The following RNF44 variants were observed in gnomAD, a reference collection of about 807,000 sequenced individuals.
RNF44 encodes the protein ring finger protein 44.
Under a neutral mutation model 53.6 loss-of-function variants are expected in RNF44, and 25 were observed. The ratio of observed to expected loss-of-function variants is 0.47; its 90% confidence interval spans 0.34 to 0.65. The LOEUF is 0.65. Among genes scored for constraint, RNF44 ranks in the 30% least tolerant of loss-of-function variants. The pLI is 0.01. For missense variants in RNF44, 581 were observed against 595.5 expected (o/e 0.98, Z 0.25); for synonymous variants, 282 against 252.2 (o/e 1.12, Z -1.12).
chr5:176,530,476 C>A, intron 6 of RNF44, 106 bp downstream of exon 6: 1 of 1,230,434 alleles, frequency 8.1e-7, no homozygotes, highest in Non-Finnish European at 1.1e-6. Flanking sequence ...CAAGTCAGCC[C>A]GGTGGGCCTG....
In RNF44 at chr5:176,528,167, AG is replaced by A. The variant is rs970332870; in HGVS notation, c.*860del. 2.6e-5 allele frequency: 4 copies of A among 152,400 alleles called. No homozygotes were observed. Among genetic ancestry groups the A allele is most frequent in the Admixed American group, 6.5e-5 (1 of 15,276 alleles). The allele number at this position is 152,400 out of a possible 1,614,324, so 9.4% of individuals were successfully genotyped here. The stretch of plus-strand genomic sequence containing the variant: ...CTATACCCGCCCCTATTAAACCAAA[AG>A]AAAAAAGAAATTGTCTTAAATATCC... On this transcript the variant is annotated 3_prime_UTR_variant, in exon 11 of 11. Coordinates refer to ENST00000274811, the MANE Select transcript of RNF44 (RefSeq NM_014901.5).
rs1221970678 is a variant in RNF44, at chr5:176,528,881, G to A, written c.*147C>T. Reference sequence around the variant, plus strand: ...CAGGGGCTTATTGCAGGGACTCCTCGCTGGGCTGACCCTGGCACCAGCTCT... The same window carrying A: ...CAGGGGCTTATTGCAGGGACTCCTCACTGGGCTGACCCTGGCACCAGCTCT... On this transcript the variant is annotated 3_prime_UTR_variant, in exon 11 of 11. Transcript: ENST00000274811. 5.5e-6 allele frequency: 4 copies of A among 729,306 alleles called. No homozygotes were observed. Among genetic ancestry groups the A allele is most frequent in the Non-Finnish European group, 8.9e-6 (4 of 450,536 alleles). 45.2% of individuals were successfully genotyped at this position (729,306 alleles called of 1,614,324 possible). A position where few individuals can be genotyped will look rare whatever the true frequency, so the allele number is the denominator to read the frequency against.
Position 176,529,861 on chromosome 5 carries a change from G to T in RNF44, c.927-43C>A, listed in dbSNP as rs373272107. ...TGGGGGCCCAGGGTCAAGGTCAGGAGTGGGGCACACAGAGCCGCTCTCCTG... is the reference window on the plus strand; with the variant it reads ...TGGGGGCCCAGGGTCAAGGTCAGGATTGGGGCACACAGAGCCGCTCTCCTG... On this transcript the variant is annotated intron_variant, in intron 7 of 10. Transcript: ENST00000274811. The T allele has an allele frequency of 4.9e-4, 750 of 1,528,034 alleles. No individual in the cohort carries two copies. The African/African-American group carries it at 7.7e-3, about 16-fold the overall frequency. 94.7% of individuals were successfully genotyped at this position (1,528,034 alleles called of 1,614,324 possible).
chr5:176,526,815 T>G lies in RNF44; in HGVS notation c.*2213A>C, dbSNP rs1388955407. 1 of 152,502 alleles carries G rather than the reference T, an allele frequency of 6.6e-6. No homozygotes were observed. Among genetic ancestry groups the G allele is most frequent in the Non-Finnish European group, 1.5e-5 (1 of 68,036 alleles). 9.4% of individuals were successfully genotyped at this position (152,502 alleles called of 1,614,324 possible). A position where few individuals can be genotyped will look rare whatever the true frequency, so the allele number is the denominator to read the frequency against. Reference sequence around the variant, plus strand: ...CTTGGTCAAGCAGAACTAGCAACTTTCATTTTAAAAAAAGTACAAATCTGT... The same window carrying G: ...CTTGGTCAAGCAGAACTAGCAACTTGCATTTTAAAAAAAGTACAAATCTGT... On this transcript the variant is annotated 3_prime_UTR_variant, in exon 11 of 11. Coordinates refer to ENST00000274811, the MANE Select transcript of RNF44 (RefSeq NM_014901.5).
chr5:176,530,129 TGGGGGC>T lies in RNF44; in HGVS notation c.873_878del (p.Pro298_Pro299del), dbSNP rs761540069. On this transcript the variant is annotated inframe_deletion, in exon 7 of 11. Transcript: ENST00000274811. ...GGTAGTAGGGTGGTGGGGGTGGGGG[TGGGGGC>T]GGCGGGGGCAGTGGCTGCTGCAGGC... 6.2e-5 allele frequency: 5 copies of T among 81,224 alleles called. No homozygotes were observed. The African/African-American group carries it at 1.4e-3, about 23-fold the overall frequency. 5.0% of individuals were successfully genotyped at this position (81,224 alleles called of 1,614,324 possible).
chr5:176,531,080 C>T lies in RNF44; in HGVS notation c.466-59G>A, dbSNP rs541825161. ...TCTCCTGGGCTCTGGGCCAGGTCTA[C>T]GCCATGCCACCCAGCAAAAGGCCCC... On this transcript the variant is annotated intron_variant, in intron 4 of 10. Transcript: ENST00000274811. The surrounding 1 kb of genome is among the most constrained non-coding windows in gnomAD (Gnocchi z 4.2). The T allele has an allele frequency of 7.8e-6, 10 of 1,277,114 alleles. No individual in the cohort carries two copies. The highest frequency in any genetic ancestry group is 3.1e-5 in the Admixed American group (1 of 32,122). 79.1% of individuals were successfully genotyped at this position (1,277,114 alleles called of 1,614,324 possible).
Position 176,530,689 on chromosome 5 carries a change from C to T in RNF44, c.694G>A (p.Gly232Ser). 2 of 1,548,346 alleles carry T rather than the reference C, an allele frequency of 1.3e-6. No individual in the cohort carries two copies. Among genetic ancestry groups the T allele is most frequent in the Middle Eastern group, 1.7e-4 (1 of 5,766 alleles). Reference protein sequence around the residue: ...VDLRGDQPSLGSFTYSTSAPG... With the variant: ...VDLRGDQPSLSSFTYSTSAPG... Reference sequence around the variant, plus strand: ...GCAGAGGTGGAGTAGGTGAAGCTGCCCAGGGAGGGCTGGTCCCCACGCAGG... The same window carrying T: ...GCAGAGGTGGAGTAGGTGAAGCTGCTCAGGGAGGGCTGGTCCCCACGCAGG... Residue 232 changes from glycine to serine, a missense_variant, in exon 6 of 11, where the codon GGC (glycine) becomes AGC (serine). Gly to Ser is a moderately conservative substitution (Grantham distance 56). Around this residue, in one of 3 missense-constraint regions of RNF44, gnomAD observed 387 missense variants for 366.0 expected, o/e 1.06. Coordinates refer to ENST00000274811, the MANE Select transcript of RNF44 (RefSeq NM_014901.5).
chr5:176,532,272 T>C, intron 2 of RNF44, 79 bp from the exon 3 acceptor site: 1 of 1,508,134 alleles, frequency 6.6e-7, no homozygotes, highest in Non-Finnish European at 8.9e-7. Context: ...CCAGGGTGAC[T>C]CCCCCCATGG....
chr5:176,534,841 G>C (rs1757014512), intron 1 of RNF44, among the ~76,000 whole-genome samples: 1 of 152,234 alleles, frequency 6.6e-6, no homozygotes, highest in Non-Finnish European at 1.5e-5. Flanking sequence ...GAGTGCGCAG[G>C]TGCATGACCT....
rs963183316 is a variant in RNF44, at chr5:176,528,949, C to G, written c.*79G>C. Reference sequence around the variant, plus strand: ...CGAAGGGGCAGGCCTGGGCCACTCCCTCCCCATCCTCCCTGGGCCCCACCC... The same window carrying G: ...CGAAGGGGCAGGCCTGGGCCACTCCGTCCCCATCCTCCCTGGGCCCCACCC... On this transcript the variant is annotated 3_prime_UTR_variant, in exon 11 of 11. Coordinates refer to ENST00000274811, the MANE Select transcript of RNF44 (RefSeq NM_014901.5). 3.7e-5 allele frequency: 53 copies of G among 1,415,068 alleles called. No homozygotes were observed. Among genetic ancestry groups the G allele is most frequent in the Non-Finnish European group, 4.5e-5 (46 of 1,021,686 alleles). 87.7% of individuals were successfully genotyped at this position (1,415,068 alleles called of 1,614,324 possible). A position where few individuals can be genotyped will look rare whatever the true frequency, so the allele number is the denominator to read the frequency against.
intron 7 of RNF44, 130 bp from the exon 8 acceptor site, chr5:176,529,948 C>T: frequency 7.2e-7 from 1 of 1,388,752 alleles, no homozygotes; most frequent in Non-Finnish European, 9.7e-7. Context: ...AGCTGGCGTG[C>T]CTGTCAGGTT....
At chr5:176,540,653 G>A (rs992236024), upstream of RNF44, among the ~76,000 whole-genome samples, 1 of 152,234 alleles carries the variant, frequency 6.6e-6, no homozygotes, top group Non-Finnish European at 1.5e-5. Context: ...CCTGGCTCAC[G>A]CTGGGTGGCG....
Position 176,528,803 on chromosome 5 carries a change from G to A in RNF44, c.*225C>T. On this transcript the variant is annotated 3_prime_UTR_variant, in exon 11 of 11. Coordinates refer to ENST00000274811, the MANE Select transcript of RNF44 (RefSeq NM_014901.5). ...TCAGGGACACTCAGGCAGCTCCGTG[G>A]CGGGCGGGCAGGCAGGCAGACTAGG... The A allele has an allele frequency of 1.7e-6, 1 of 585,918 alleles. No individual in the cohort carries two copies. The highest frequency in any genetic ancestry group is 3.1e-5 in the Admixed American group (1 of 32,300). 36.3% of individuals were successfully genotyped at this position (585,918 alleles called of 1,614,324 possible). A position where few individuals can be genotyped will look rare whatever the true frequency, so the allele number is the denominator to read the frequency against.
At chr5:176,529,923 C>T (rs971293694) in intron 7 of RNF44, 105 bp from the exon 8 acceptor site, 117 of 1,394,128 alleles carry the variant, frequency 8.4e-5, no homozygotes, top group Non-Finnish European at 1.1e-4. Flanking sequence ...AACGTTGCAG[C>T]GGGGAAGGGA....
At chr5:176,536,742 G>A (rs1451593841) in intron 1 of RNF44, among the ~76,000 whole-genome samples, 198 bp downstream of exon 1, 2 of 151,684 alleles carry the variant, frequency 1.3e-5, no homozygotes, top group African/African-American at 2.4e-5. Flanking sequence ...CTCAGCTGCA[G>A]GAGAGGGGAG....
upstream of RNF44, among the ~76,000 whole-genome samples, chr5:176,539,559 G>A (rs1419478496): frequency 6.6e-6 from 1 of 152,124 alleles, no homozygotes; most frequent in Non-Finnish European, 1.5e-5. Flanking sequence ...ATGGTGGCAT[G>A]CACTTGTAGT....
At chr5:176,541,116 CCA>C (rs1212586794), upstream of RNF44, among the ~76,000 whole-genome samples, 4 of 152,178 alleles carry the variant, frequency 2.6e-5, no homozygotes, top group African/African-American at 9.7e-5. Flanking sequence ...CAGACCCTCG[CCA>C]CAGAGCCCAG....
intron 1 of RNF44, among the ~76,000 whole-genome samples, chr5:176,534,248 T>G (rs1310088940): frequency 6.6e-6 from 1 of 152,226 alleles, no homozygotes; most frequent in Non-Finnish European, 1.5e-5. Flanking sequence ...TGCCAACAAC[T>G]GACAGTTGGG....
At chr5:176,543,018 G>A (rs1757489166), upstream of RNF44, among the ~76,000 whole-genome samples, 1 of 152,054 alleles carries the variant, frequency 6.6e-6, no homozygotes, top group Non-Finnish European at 1.5e-5. The surrounding 1 kb of genome is among the most constrained non-coding windows in gnomAD (Gnocchi z 4.0). Context: ...GGGCACGCGG[G>A]GGCTCGGAGT....
Sources: allele counts gnomAD v4.1 joint callset (sites outside exome capture counted in the v4.1 genomes callset), GRCh38; gene constraint gnomAD v4.1.1; regional missense constraint gnomAD v4.1.1; non-coding constraint Gnocchi (gnomAD v3.1); transcripts MANE v1.5; gene names NCBI Gene and HGNC (gene_info 2026-07-23, HGNC 2026-07-21).